ZSCAN5A: variants seen among roughly 807,000 people sequenced by gnomAD.
The protein encoded by ZSCAN5A is zinc finger and SCAN domain-containing protein 5A.
ZSCAN5A carries 12 observed loss-of-function variants against 23.7 expected under a neutral mutation model. That is an observed-to-expected ratio of 0.51 (90% CI 0.32 to 0.82). ZSCAN5A has a LOEUF of 0.82. ZSCAN5A is among the 40% of genes least tolerant of loss of function. The pLI is 0.03. For synonymous variants in ZSCAN5A, 257 were observed against 239.9 expected (o/e 1.07, Z -0.66); for missense variants, 597 against 617.9 (o/e 0.97, Z 0.36).
chr19:56,225,996 A>AT (rs1427364165), intron 2 of ZSCAN5A, among the ~76,000 whole-genome samples: 1 of 152,122 alleles, frequency 6.6e-6, no homozygotes, highest in African/African-American at 2.4e-5. Flanking sequence ...CAATAATAAG[A>AT]TTTTTAAAAA....
intron 2 of ZSCAN5A, chr19:56,281,571 T>G (rs2038710129): frequency 2.6e-6 from 1 of 377,546 alleles, no homozygotes; most frequent in Admixed American, 6.4e-5. Context: ...AAATGTTCCA[T>G]GAAGGAATAA....
intron 2 of ZSCAN5A, among the ~76,000 whole-genome samples, chr19:56,260,601 A>T (rs2037059616): frequency 6.6e-6 from 1 of 151,970 alleles, no homozygotes; most frequent in Non-Finnish European, 1.5e-5. Context: ...TGTGCAGTAA[A>T]ATATCAGTAG....
chr19:56,228,771 GAC>G (rs1444693159), intron 2 of ZSCAN5A, among the ~76,000 whole-genome samples: 1 of 152,032 alleles, frequency 6.6e-6, no homozygotes, highest in Non-Finnish European at 1.5e-5. Flanking sequence ...GAAAAAAAGA[GAC>G]AGTCTTTGTT....
rs1027324659 is a variant in ZSCAN5A at position 56,356,741 on chromosome 19, C to G, written c.-358+6494G>C. Among the ~76,000 whole-genome samples the G allele has an allele frequency of 4.0e-5, 6 of 148,664 alleles. 1 individual carries two copies. The highest frequency in any genetic ancestry group is 1.3e-4 in the African/African-American group (5 of 39,428). ...TTCTTATAATTTTTACTTTTGCCTG[C>G]AGTATAAAAACTGCCTGTGGGGTTA... On this transcript the variant is annotated intron_variant, in intron 2 of 6. Coordinates refer to the ZSCAN5A transcript ENST00000587340.
rs539471340 is a variant in ZSCAN5A at position 56,253,877 on chromosome 19, T to G, written c.-127-28704A>C. Among the ~76,000 whole-genome samples, 7 of 152,282 alleles carry G rather than the reference T, an allele frequency of 4.6e-5. No individual in the cohort carries two copies. In the East Asian group the frequency reaches 1.3e-3, roughly 29 times the overall value. Reference sequence around the variant, plus strand: ...TACGCACCCAGCTTATGTTAAAAATTTAAAGTTAGAATGATTTTATAGCTA... The same window carrying G: ...TACGCACCCAGCTTATGTTAAAAATGTAAAGTTAGAATGATTTTATAGCTA... On this transcript the variant is annotated intron_variant, in intron 2 of 5. Coordinates refer to ENST00000683990, the MANE Select transcript of ZSCAN5A (RefSeq NM_001322064.3).
intron 2 of ZSCAN5A, chr19:56,274,692 G>A (rs937887274): frequency 6.6e-6 from 1 of 152,142 alleles, no homozygotes; most frequent in Non-Finnish European, 1.5e-5. Flanking sequence ...TTTTACTAAT[G>A]TTTCTACTAA....
chr19:56,353,469 C>G (rs1172997873), intron 2 of ZSCAN5A, among the ~76,000 whole-genome samples: 2 of 152,132 alleles, frequency 1.3e-5, no homozygotes, highest in Non-Finnish European at 2.9e-5. Flanking sequence ...CAGTTTTGCT[C>G]TTTTTAAAAT....
At chr19:56,251,148 T>TCAAA (rs1555797367) in intron 2 of ZSCAN5A, among the ~76,000 whole-genome samples, 12 of 131,054 alleles carry the variant, frequency 9.2e-5, no homozygotes, top group African/African-American at 2.6e-4. Flanking sequence ...AGACTCCGTG[T>TCAAA]AAAAAAAAAA....
At chr19:56,367,380 T>A (rs1399636010) in intron 1 of ZSCAN5A, 2 of 151,972 alleles carry the variant, frequency 1.3e-5, no homozygotes, top group South Asian at 2.1e-4. Flanking sequence ...ACAAAAAAAA[T>A]TAAAATTAAA....
chr19:56,245,352 T>C, intron 2 of ZSCAN5A: 1 of 752,618 alleles, frequency 1.3e-6, no homozygotes, highest in Non-Finnish European at 2.5e-6. Context: ...GTGAATGAGA[T>C]GCGTCCGGGG....
chr19:56,280,723 G>A (rs551804461), intron 2 of ZSCAN5A: 31 of 152,286 alleles, frequency 2.0e-4, no homozygotes, highest in African/African-American at 7.2e-4. Flanking sequence ...GACAGAGAGA[G>A]AGACAGAAAC....
At chr19:56,276,695 G>A (rs985022877) in intron 2 of ZSCAN5A, among the ~76,000 whole-genome samples, 1 of 151,736 alleles carries the variant, frequency 6.6e-6, no homozygotes, top group Admixed American at 6.6e-5. Context: ...GCGCCACCAT[G>A]CCCGGCTAAT....
Position 56,364,624 on chromosome 19 carries a change from G to C in ZSCAN5A, c.-521-1226C>G, listed in dbSNP as rs571449548. ...AGAGAAAGGAGTGCACATGGCCATA[G>C]AGAGATATGTTCATACAGCTTTATT... On this transcript the variant is annotated intron_variant, in intron 1 of 6. Coordinates refer to the ZSCAN5A transcript ENST00000587340. Among the ~76,000 whole-genome samples, 19 of 152,338 alleles carry C rather than the reference G, an allele frequency of 1.2e-4. No homozygotes were observed. The East Asian group carries it at 3.7e-3, about 29-fold the overall frequency.
At chr19:56,242,663 C>T (rs1187213610) in intron 2 of ZSCAN5A, among the ~76,000 whole-genome samples, 1 of 152,212 alleles carries the variant, frequency 6.6e-6, no homozygotes, top group Non-Finnish European at 1.5e-5. Flanking sequence ...GAAGACAGGG[C>T]TGCGTTCTCA....
intron 2 of ZSCAN5A, among the ~76,000 whole-genome samples, chr19:56,340,004 T>C (rs2041578710): frequency 6.6e-6 from 1 of 152,186 alleles, no homozygotes; most frequent in South Asian, 2.1e-4. Flanking sequence ...ACTACTGTCT[T>C]GGGGAAAGTC....
rs141547759 is a variant in ZSCAN5A, at chr19:56,331,062, A to G, written c.-357-14794T>C. ...TCTCAGCACCATTTATTAAATAGGT[A>G]GTTCTTCACCATTGTTTTTCTGTTG... On this transcript the variant is annotated intron_variant, in intron 2 of 6. Transcript: ENST00000587340. Among the ~76,000 whole-genome samples, 35 of 152,342 alleles carry G rather than the reference A, an allele frequency of 2.3e-4. No individual in the cohort carries two copies. In the East Asian group the frequency reaches 5.8e-3, roughly 25 times the overall value.
intron 2 of ZSCAN5A, chr19:56,311,873 T>G (rs1316588181): frequency 2.0e-5 from 3 of 152,158 alleles, no homozygotes; most frequent in Non-Finnish European, 4.4e-5. Context: ...CACCCCTATG[T>G]GTTCACGTGT....
chr19:56,329,469 T>C (rs1174246352), intron 2 of ZSCAN5A, among the ~76,000 whole-genome samples: 3 of 152,054 alleles, frequency 2.0e-5, no homozygotes, highest in Admixed American at 1.3e-4. Flanking sequence ...AGGAGAGTTA[T>C]AGTATTAAGT....
intron 2 of ZSCAN5A, among the ~76,000 whole-genome samples, chr19:56,353,683 G>A (rs958468086): frequency 6.6e-6 from 1 of 152,240 alleles, no homozygotes; most frequent in East Asian, 1.9e-4. Flanking sequence ...TCGGAAGGCT[G>A]AGGCAGGAGA....
Sources: gnomAD v4.1 joint callset for allele counts (sites outside exome capture counted in the v4.1 genomes callset) on GRCh38, gnomAD v4.1.1 for gene constraint, MANE v1.5 for transcripts, NCBI Gene and HGNC (gene_info 2026-07-23, HGNC 2026-07-21) for gene names.